MICU3: variants seen among roughly 807,000 people sequenced by gnomAD.
MICU3 encodes the protein calcium uptake protein 3, mitochondrial.
In MICU3, 62 loss-of-function variants were observed where a neutral mutation model predicts 66.5. The observed-to-expected ratio is 0.93, with a 90% CI of 0.76 to 1.15. The LOEUF (loss-of-function observed/expected upper bound fraction) is 1.15, where lower values mean the gene tolerates loss of function less well. Ranked by LOEUF, MICU3 falls within the 50% of genes most tolerant of loss-of-function variation. MICU3 has a pLI of 0.00. For missense variants in MICU3, 779 were observed against 664.4 expected, an observed-to-expected ratio of 1.17 and a Z score of -1.90; for synonymous variants, 308 against 240.7, an observed-to-expected ratio of 1.28 and a Z score of -2.59.
chr8:17,038,333 C>G (rs563234549), intron 1 of MICU3, among the ~76,000 whole-genome samples: 194 of 152,226 alleles, frequency 1.3e-3, no homozygotes, highest in African/African-American at 4.4e-3. Flanking sequence ...TTGAATAAGT[C>G]TCACAAGATC....
Position 17,090,011 on chromosome 8 carries a change from C to G in MICU3, c.850-535C>G, listed in dbSNP as rs535723306. Reference sequence around the variant, plus strand: ...CTTATGTGCTAAGCTCCATGCTATACTCATTGTTAATGTTACTCCCCTTTA... The same window carrying G: ...CTTATGTGCTAAGCTCCATGCTATAGTCATTGTTAATGTTACTCCCCTTTA... On this transcript the variant is annotated intron_variant, in intron 7 of 14. Transcript: ENST00000318063. Among the ~76,000 whole-genome samples the G allele has an allele frequency of 7.7e-4, 117 of 152,194 alleles. 1 individual carries two copies. The highest frequency in any genetic ancestry group is 1.4e-3 in the Non-Finnish European group (92 of 67,976).
intron 1 of MICU3, among the ~76,000 whole-genome samples, chr8:17,063,227 C>T (rs1032007239): frequency 7.9e-5 from 12 of 151,938 alleles, no homozygotes; most frequent in South Asian, 4.1e-4. Flanking sequence ...TAATTTTATA[C>T]GGTAACTACT....
chr8:17,060,981 C>A (rs1443581976), intron 1 of MICU3, among the ~76,000 whole-genome samples: 2 of 152,056 alleles, frequency 1.3e-5, no homozygotes, highest in Non-Finnish European at 2.9e-5. Flanking sequence ...TGAAAACCTT[C>A]AACTCTGCTT....
chr8:17,027,674 C>T lies in MICU3; in HGVS notation c.381+14C>T, dbSNP rs776192080. 1 of 1,284,072 alleles carries T rather than the reference C, an allele frequency of 7.8e-7. No individual in the cohort carries two copies. The highest frequency in any genetic ancestry group is 9.8e-7 in the Non-Finnish European group (1 of 1,018,276). 79.5% of individuals were successfully genotyped at this position (1,284,072 alleles called of 1,614,324 possible). A position where few individuals can be genotyped will look rare whatever the true frequency, so the allele number is the denominator to read the frequency against. On this transcript the variant is annotated intron_variant, in intron 1 of 14. Coordinates refer to ENST00000318063, the MANE Select transcript of MICU3 (RefSeq NM_181723.3). ...GCCAAGGAGACGGTGAGTGCGCGAG[C>T]GCGCGTCACACCTGCGCGGGGGATG...
intron 1 of MICU3, among the ~76,000 whole-genome samples, chr8:17,052,060 T>C (rs1011168728): frequency 6.6e-6 from 1 of 152,200 alleles, no homozygotes; most frequent in Non-Finnish European, 1.5e-5. Context: ...GCTGAACCAC[T>C]ATGCTATACT....
chr8:17,049,675 T>C (rs1815724079), intron 1 of MICU3: 7 of 513,746 alleles, frequency 1.4e-5, no homozygotes, highest in South Asian at 1.0e-4. Flanking sequence ...AGTTGTGTAA[T>C]GTGAAAAAAC....
At chr8:17,047,464 A>G (rs1233484864) in intron 1 of MICU3, among the ~76,000 whole-genome samples, 5 of 152,248 alleles carry the variant, frequency 3.3e-5, no homozygotes, top group Admixed American at 3.3e-4. Context: ...TAATGGTTGA[A>G]AAGTTCCCAG....
chr8:17,048,075 G>A (rs993500709), intron 1 of MICU3, among the ~76,000 whole-genome samples: 15 of 152,240 alleles, frequency 9.9e-5, no homozygotes, highest in Non-Finnish European at 1.9e-4. Context: ...AATTATCCAG[G>A]TGGATTAGAA....
chr8:17,061,831 A>G (rs1817872635), intron 1 of MICU3, among the ~76,000 whole-genome samples: 1 of 152,204 alleles, frequency 6.6e-6, no homozygotes, highest in South Asian at 2.1e-4. Flanking sequence ...CCCGAGGACC[A>G]TTCAGGGAGA....
At chr8:17,133,357 T>C in the MICU3 span, among the ~76,000 whole-genome samples, 3 of 152,218 alleles carry the variant, frequency 2.0e-5, no homozygotes, top group Non-Finnish European at 4.4e-5. Flanking sequence ...TTGTTATTTA[T>C]GGGTTATCTA....
chr8:17,127,680 G>A, the MICU3 span, among the ~76,000 whole-genome samples: 1 of 152,174 alleles, frequency 6.6e-6, no homozygotes, highest in Non-Finnish European at 1.5e-5. Flanking sequence ...TAGTAATTCA[G>A]ATAGAGATAT....
chr8:17,058,692 C>CG (rs1176487097), intron 1 of MICU3, among the ~76,000 whole-genome samples: 1 of 152,200 alleles, frequency 6.6e-6, no homozygotes, highest in Non-Finnish European at 1.5e-5. Context: ...GCCTCTTTCT[C>CG]AGAGTTTCCA....
chr8:17,129,911 G>T, the MICU3 span, among the ~76,000 whole-genome samples: 5,461 of 152,230 alleles, frequency 0.036, 146 homozygotes, highest in Non-Finnish European at 0.054. Context: ...ATAAGAATCA[G>T]TGCTGACTTA....
At chr8:17,032,996 A>C (rs1381574412) in intron 1 of MICU3, among the ~76,000 whole-genome samples, 1 of 152,206 alleles carries the variant, frequency 6.6e-6, no homozygotes, top group African/African-American at 2.4e-5. Context: ...AATAAATGTT[A>C]TGTGTAGTTT....
At chr8:17,030,145 T>A (rs1811769236) in intron 1 of MICU3, among the ~76,000 whole-genome samples, 1 of 152,244 alleles carries the variant, frequency 6.6e-6, no homozygotes, top group South Asian at 2.1e-4. Flanking sequence ...TGTAAGGATA[T>A]AAATTATAAC....
At chr8:17,119,772 G>A (rs1276309361) in intron 14 of MICU3, among the ~76,000 whole-genome samples, 2 of 152,052 alleles carry the variant, frequency 1.3e-5, no homozygotes, top group African/African-American at 4.8e-5. Flanking sequence ...TTACAAATTA[G>A]GTTTGAGATC....
intron 3 of MICU3, among the ~76,000 whole-genome samples, chr8:17,076,766 T>C (rs1403634529): frequency 6.6e-6 from 1 of 152,150 alleles, no homozygotes; most frequent in African/African-American, 2.4e-5. Context: ...AAAATGCAGG[T>C]TGTGGTTCAG....
intron 1 of MICU3, among the ~76,000 whole-genome samples, chr8:17,037,212 C>T (rs962394720): frequency 5.3e-5 from 8 of 152,232 alleles, no homozygotes; most frequent in Admixed American, 1.3e-4. Context: ...CCATACCTCC[C>T]TGCAAGCTGA....
chr8:17,122,971 A>G (rs903760755), downstream of MICU3, among the ~76,000 whole-genome samples: 5 of 152,040 alleles, frequency 3.3e-5, no homozygotes, highest in Non-Finnish European at 5.9e-5. Flanking sequence ...ACACCTAGAA[A>G]TGTTTCAAAA....
Sources: gnomAD v4.1 joint callset for allele counts (sites outside exome capture counted in the v4.1 genomes callset) on GRCh38, gnomAD v4.1.1 for gene constraint, MANE v1.5 for transcripts, NCBI Gene and HGNC (gene_info 2026-07-23, HGNC 2026-07-21) for gene names.